Variants in TESK2 observed in about 807,000 individuals in gnomAD.
TESK2 encodes the protein dual specificity testis-specific protein kinase 2.
Under a neutral mutation model 57.1 loss-of-function variants are expected in TESK2, and 39 were observed. That is an observed-to-expected ratio of 0.68 (90% CI 0.53 to 0.89). The LOEUF (loss-of-function observed/expected upper bound fraction) is 0.89. Ranked by LOEUF, TESK2 falls within the 40% of genes least tolerant of loss-of-function variation. The pLI is 0.00. For missense variants in TESK2, 646 were observed against 732.1 expected (o/e 0.88, Z 1.36); for synonymous variants, 249 against 267.9 (o/e 0.93, Z 0.69).
At chr1:45,372,968 C>G (rs1172183341) in intron 4 of TESK2, among the ~76,000 whole-genome samples, 2 of 140,890 alleles carry the variant, frequency 1.4e-5, no homozygotes. Flanking sequence ...GCGGAGGTTG[C>G]GGTGAGCCGA....
intron 2 of TESK2, among the ~76,000 whole-genome samples, chr1:45,442,662 G>A (rs748132147): frequency 6.6e-6 from 1 of 152,194 alleles, no homozygotes; most frequent in Non-Finnish European, 1.5e-5. Flanking sequence ...ACTTACTAGA[G>A]GGTAGAAGCT....
chr1:45,411,900 T>G (rs933500874), intron 3 of TESK2, among the ~76,000 whole-genome samples: 3 of 152,126 alleles, frequency 2.0e-5, no homozygotes, highest in African/African-American at 7.2e-5. Flanking sequence ...AAATGGATCC[T>G]CCCGCCTCAG....
At chr1:45,378,388 A>C (rs1304094795) in intron 4 of TESK2, among the ~76,000 whole-genome samples, 1 of 152,204 alleles carries the variant, frequency 6.6e-6, no homozygotes, top group East Asian at 1.9e-4. Flanking sequence ...TTGCAAGGCT[A>C]GGTCATAAAA....
At chr1:45,408,539 G>C (rs928626087) in intron 3 of TESK2, among the ~76,000 whole-genome samples, 1 of 152,106 alleles carries the variant, frequency 6.6e-6, no homozygotes, top group Non-Finnish European at 1.5e-5. Context: ...ACTGAATGGT[G>C]AGAACTCAAA....
intron 1 of TESK2, among the ~76,000 whole-genome samples, chr1:45,477,829 C>T (rs1228271735): frequency 6.6e-6 from 1 of 152,062 alleles, no homozygotes. Context: ...TATAATTAGG[C>T]TAATCATTAT....
chr1:45,415,072 T>C (rs1328548363), intron 3 of TESK2: 73 of 1,355,412 alleles, frequency 5.4e-5, no homozygotes, highest in Non-Finnish European at 7.3e-5. Flanking sequence ...AGCGAGCCCT[T>C]GGGCCACGTC....
At chr1:45,349,487 G>A (rs1375745096) in intron 5 of TESK2, among the ~76,000 whole-genome samples, 1 of 152,176 alleles carries the variant, frequency 6.6e-6, no homozygotes, top group Non-Finnish European at 1.5e-5. Context: ...AGCCTGTGAG[G>A]CAGTGGCAGC....
At chr1:45,485,860 G>A (rs1653457086) in intron 1 of TESK2, among the ~76,000 whole-genome samples, 2 of 151,190 alleles carry the variant, frequency 1.3e-5, no homozygotes, top group African/African-American at 4.9e-5. Context: ...TTAATAACCA[G>A]TTGAATGTAT....
intron 2 of TESK2, among the ~76,000 whole-genome samples, chr1:45,439,398 C>T (rs1401885867): frequency 6.6e-6 from 1 of 152,064 alleles, no homozygotes; most frequent in Non-Finnish European, 1.5e-5. Flanking sequence ...AGATACTATG[C>T]AATAAAATAT....
In TESK2 at chr1:45,385,375, A is replaced by T. The variant is rs1017401061; in HGVS notation, c.393+537T>A. 3 of 983,802 alleles carry T rather than the reference A, an allele frequency of 3.0e-6. No homozygotes were observed. In the African/African-American group the frequency reaches 5.2e-5, roughly 17 times the overall value. The allele number at this position is 983,802 out of a possible 1,614,324, so 60.9% of individuals were successfully genotyped here. A position where few individuals can be genotyped will look rare whatever the true frequency, so the allele number is the denominator to read the frequency against. The stretch of plus-strand genomic sequence containing the variant: ...CATATTCCGCCTAGCAGAGGCTGGA[A>T]ATGAAACGAGAATGAAGATGTAAAC... On this transcript the variant is annotated intron_variant, in intron 4 of 10. Coordinates refer to ENST00000372086, the MANE Select transcript of TESK2 (RefSeq NM_007170.3).
intron 3 of TESK2, among the ~76,000 whole-genome samples, chr1:45,391,790 C>A (rs1490353622): frequency 6.6e-6 from 1 of 152,146 alleles, no homozygotes; most frequent in Non-Finnish European, 1.5e-5. Context: ...ATAACTAGCA[C>A]TTTTCACCCT....
intron 1 of TESK2, among the ~76,000 whole-genome samples, chr1:45,465,662 A>G (rs1342391152): frequency 6.6e-6 from 1 of 152,220 alleles, no homozygotes; most frequent in Non-Finnish European, 1.5e-5. Flanking sequence ...CAAGAGGGGT[A>G]AATGTATTTC....
At chr1:45,347,563 GAA>G in intron 7 of TESK2, 44 bp downstream of exon 7, 1 of 1,565,330 alleles carries the variant, frequency 6.4e-7, no homozygotes, top group Non-Finnish European at 8.7e-7. Flanking sequence ...TCAAAAAAAA[GAA>G]AAAGAAAAAA....
intron 7 of TESK2, 118 bp downstream of exon 7, chr1:45,347,491 G>A (rs745632891): frequency 1.9e-5 from 17 of 911,354 alleles, no homozygotes; most frequent in Non-Finnish European, 2.1e-5. Flanking sequence ...GCTTGAACTC[G>A]GGAGGCAGTA....
intron 4 of TESK2, among the ~76,000 whole-genome samples, chr1:45,361,045 T>C (rs1239269242): frequency 6.6e-6 from 1 of 152,216 alleles, no homozygotes; most frequent in Non-Finnish European, 1.5e-5. Flanking sequence ...CTCGAACTCC[T>C]GACCTCAGGT....
intron 2 of TESK2, among the ~76,000 whole-genome samples, chr1:45,434,261 T>C (rs553547605): frequency 1.3e-5 from 2 of 151,862 alleles, no homozygotes; most frequent in South Asian, 2.1e-4. Context: ...TTCCAAAGTG[T>C]TGAGATCACA....
intron 1 of TESK2, among the ~76,000 whole-genome samples, chr1:45,483,757 G>A (rs772740405): frequency 6.6e-6 from 1 of 151,808 alleles, no homozygotes; most frequent in Non-Finnish European, 1.5e-5. Flanking sequence ...CAGCACTTCC[G>A]GAGGCTGAAA....
chr1:45,478,040 T>G (rs1653069858), intron 1 of TESK2, among the ~76,000 whole-genome samples: 1 of 152,214 alleles, frequency 6.6e-6, no homozygotes, highest in Non-Finnish European at 1.5e-5. Flanking sequence ...CTGAGAATCA[T>G]TCATGTGTCA....
At chr1:45,458,227 G>C (rs1031773391) in intron 1 of TESK2, among the ~76,000 whole-genome samples, 5 of 152,166 alleles carry the variant, frequency 3.3e-5, no homozygotes, top group Non-Finnish European at 7.3e-5. Context: ...GGATTATTAT[G>C]TTCATTTCAC....
Sources: gnomAD v4.1 joint callset for allele counts (sites outside exome capture counted in the v4.1 genomes callset) on GRCh38, gnomAD v4.1.1 for gene constraint, MANE v1.5 for transcripts, NCBI Gene and HGNC (gene_info 2026-07-23, HGNC 2026-07-21) for gene names.